The following PPP1CB variants were observed in gnomAD, a reference collection of about 807,000 sequenced individuals.
PPP1CB encodes the protein serine/threonine-protein phosphatase PP1-beta catalytic subunit.
Under a neutral mutation model 43.7 loss-of-function variants are expected in PPP1CB, and 2 were observed. The ratio of observed to expected loss-of-function variants is 0.05; its 90% CI spans 0.02 to 0.14. The LOEUF is 0.14. PPP1CB is among the 10% of genes least tolerant of loss of function. The pLI, the probability that PPP1CB is intolerant of heterozygous loss-of-function variation, is 1.00. For missense variants in PPP1CB, 84 were observed against 398.0 expected, an observed-to-expected ratio of 0.21 and a Z score of 6.71; for synonymous variants, 136 against 135.6, an observed-to-expected ratio of 1.00 and a Z score of -0.02.
chr2:28,761,824 A>G (rs912693227), intron 1 of PPP1CB, among the ~76,000 whole-genome samples: 1 of 152,198 alleles, frequency 6.6e-6, no homozygotes, highest in African/African-American at 2.4e-5. Context: ...ACACTGTTGT[A>G]TGCTTGCTTT....
intron 1 of PPP1CB, among the ~76,000 whole-genome samples, chr2:28,766,341 A>G (rs1335389178): frequency 6.6e-6 from 1 of 152,248 alleles, no homozygotes; most frequent in Non-Finnish European, 1.5e-5. Context: ...ATTAGAGCAA[A>G]TGAAGTTGAC....
intron 1 of PPP1CB, among the ~76,000 whole-genome samples, chr2:28,764,353 G>A (rs1193669263): frequency 2.0e-5 from 3 of 150,660 alleles, no homozygotes; most frequent in South Asian, 2.1e-4. Context: ...CCAGCTACTC[G>A]GGAGGCTGAG....
intron 1 of PPP1CB, among the ~76,000 whole-genome samples, chr2:28,762,058 T>C (rs1030261711): frequency 3.3e-5 from 5 of 151,938 alleles, no homozygotes; most frequent in African/African-American, 1.2e-4. Context: ...CCGAGGCGGG[T>C]GGAATTGCTT....
chr2:28,764,203 G>A (rs960467029), intron 1 of PPP1CB, among the ~76,000 whole-genome samples: 1 of 151,812 alleles, frequency 6.6e-6, no homozygotes, highest in Non-Finnish European at 1.5e-5. Context: ...GCTCACGCCT[G>A]TAATCCCAGC....
chr2:28,783,589 C>G (rs890927662), intron 4 of PPP1CB, among the ~76,000 whole-genome samples: 3 of 152,036 alleles, frequency 2.0e-5, no homozygotes, highest in African/African-American at 7.2e-5. Context: ...AACCCCGTCT[C>G]TACTAAAAAT....
chr2:28,765,880 T>A (rs1666768159), intron 1 of PPP1CB, among the ~76,000 whole-genome samples: 1 of 152,180 alleles, frequency 6.6e-6, no homozygotes, highest in African/African-American at 2.4e-5. Flanking sequence ...CACTCTGGCC[T>A]GGGCAATAAA....
intron 1 of PPP1CB, among the ~76,000 whole-genome samples, chr2:28,758,892 AT>A (rs1666552144): frequency 6.6e-6 from 1 of 152,230 alleles, no homozygotes; most frequent in African/African-American, 2.4e-5. Context: ...CCCTTGCATA[AT>A]TGGGAGGTTT....
At chr2:28,786,329 G>C (rs1052853396) in intron 5 of PPP1CB, among the ~76,000 whole-genome samples, 1 of 152,036 alleles carries the variant, frequency 6.6e-6, no homozygotes, top group Non-Finnish European at 1.5e-5. Context: ...GGCCAGGCTG[G>C]TCTTGAACTC....
intron 1 of PPP1CB, among the ~76,000 whole-genome samples, chr2:28,759,061 A>C (rs918092582): frequency 3.9e-5 from 6 of 152,240 alleles, no homozygotes; most frequent in Admixed American, 3.3e-4. Context: ...TGTTTTGGTC[A>C]ACAGTGGACT....
chr2:28,758,366 T>G (rs1666538014), intron 1 of PPP1CB, among the ~76,000 whole-genome samples: 1 of 152,178 alleles, frequency 6.6e-6, no homozygotes, highest in African/African-American at 2.4e-5. Flanking sequence ...TTAAATTCTG[T>G]TATGTATTTC....
At chr2:28,793,075 G>A (rs1667420692) in intron 6 of PPP1CB, among the ~76,000 whole-genome samples, 1 of 152,088 alleles carries the variant, frequency 6.6e-6, no homozygotes, top group African/African-American at 2.4e-5. Context: ...GCTTGCTGGT[G>A]GGTGCGTGTA....
rs1362175026 is a variant in PPP1CB at position 28,752,094 on chromosome 2, G to A, written c.-31G>A. 2 of 1,549,210 alleles carry A rather than the reference G, an allele frequency of 1.3e-6. No homozygotes were observed. Among genetic ancestry groups the A allele is most frequent in the Non-Finnish European group, 8.7e-7 (1 of 1,145,396 alleles). Reference sequence around the variant, plus strand: ...CCGCCGCCGAGAAGCCCTTGTTCCCGCTGCTGGGAAGGAGAGTCTGTGCCG... The same window carrying A: ...CCGCCGCCGAGAAGCCCTTGTTCCCACTGCTGGGAAGGAGAGTCTGTGCCG... On this transcript the variant is annotated 5_prime_UTR_variant, in exon 1 of 8. Coordinates refer to ENST00000395366, the MANE Select transcript of PPP1CB (RefSeq NM_002709.3).
rs550937233 is a variant in PPP1CB, at chr2:28,798,365, A to G, written c.880-834A>G. Among the ~76,000 whole-genome samples, 8 of 152,248 alleles carry G rather than the reference A, an allele frequency of 5.3e-5. No individual in the cohort carries two copies. The East Asian group carries it at 1.5e-3, about 29-fold the overall frequency. On this transcript the variant is annotated intron_variant, in intron 7 of 7. Coordinates refer to ENST00000395366, the MANE Select transcript of PPP1CB (RefSeq NM_002709.3). ...TTACCTCTAGGTATATACCCAAGAT[A>G]TATGAAAACATGTTCACACAAAAAC...
upstream of PPP1CB, chr2:28,751,785 T>G: frequency 1.1e-5 from 4 of 366,146 alleles, no homozygotes; most frequent in South Asian, 4.7e-5. Flanking sequence ...ACGTGCGGAG[T>G]GAGTGGCGCT....
rs1188665865 is a variant in PPP1CB, at chr2:28,751,868, C to G, written c.-257C>G. On this transcript the variant is annotated 5_prime_UTR_variant, in exon 1 of 8. Coordinates refer to ENST00000395366, the MANE Select transcript of PPP1CB (RefSeq NM_002709.3). ...GTGCCGAGGAGGAGGAGGTGGCGGC[C>G]TGGGTCTGACGCGGCCCTGTTCGAG... 1.8e-6 allele frequency: 1 copy of G among 552,816 alleles called. No individual in the cohort carries two copies. The highest frequency in any genetic ancestry group is 3.3e-6 in the Non-Finnish European group (1 of 305,002). The allele number at this position is 552,816 out of a possible 1,614,324, so 34.2% of individuals were successfully genotyped here.
At chr2:28,752,421 AG>A (rs1453838920) in intron 1 of PPP1CB, among the ~76,000 whole-genome samples, 1 of 152,160 alleles carries the variant, frequency 6.6e-6, no homozygotes, top group Non-Finnish European at 1.5e-5. Flanking sequence ...CTCGGGGGCC[AG>A]GCCCGCCGGC....
chr2:28,753,074 A>G (rs1666369829), intron 1 of PPP1CB, among the ~76,000 whole-genome samples: 2 of 152,214 alleles, frequency 1.3e-5, no homozygotes, highest in South Asian at 4.1e-4. Context: ...AGTTAAATGT[A>G]TTGATTCATT....
At chr2:28,783,756 CG>C (rs2148053157) in intron 4 of PPP1CB, 150 bp from the exon 5 acceptor site, 1 of 542,850 alleles carries the variant, frequency 1.8e-6, no homozygotes, top group Non-Finnish European at 3.2e-6. Flanking sequence ...GATTCTGTCT[CG>C]AAAAAAAAAA....
intron 1 of PPP1CB, among the ~76,000 whole-genome samples, chr2:28,755,078 T>G (rs1320411998): frequency 1.3e-5 from 2 of 152,194 alleles, no homozygotes; most frequent in Non-Finnish European, 2.9e-5. Context: ...GACGGAGTTT[T>G]GCGCTTGTCA....
Sources: allele counts gnomAD v4.1 joint callset (sites outside exome capture counted in the v4.1 genomes callset), GRCh38; gene constraint gnomAD v4.1.1; transcripts MANE v1.5; gene names NCBI Gene and HGNC (gene_info 2026-07-23, HGNC 2026-07-21).